Variants in PTPRD observed in about 807,000 individuals in gnomAD.
The protein encoded by PTPRD is protein tyrosine phosphatase receptor type D, also known as receptor-type tyrosine-protein phosphatase delta.
A neutral mutation model predicts 214.5 loss-of-function variants in PTPRD; 34 were observed. The observed-to-expected ratio is 0.16, with a 90% CI of 0.12 to 0.21. The LOEUF is 0.21. Ranked by LOEUF, PTPRD falls within the 10% of genes least tolerant of loss-of-function variation. The probability of loss-of-function intolerance (pLI) is 1.00; values close to 1 mark genes in which losing one functional copy is unlikely to be tolerated. For missense variants in PTPRD, 2,545 were observed against 2,398.7 expected (o/e 1.06, Z -1.27); for synonymous variants, 1,128 against 845.7 (o/e 1.33, Z -5.79).
chr9:9,426,018 AG>A (rs1261047380), intron 8 of PTPRD, among the ~76,000 whole-genome samples: 1 of 151,982 alleles, frequency 6.6e-6, no homozygotes, highest in Non-Finnish European at 1.5e-5. Context: ...TTTCCAACTG[AG>A]GTACCAGGTT....
intron 3 of PTPRD, among the ~76,000 whole-genome samples, chr9:10,329,688 G>T (rs1171879777): frequency 6.6e-6 from 1 of 151,834 alleles, no homozygotes; most frequent in African/African-American, 2.4e-5. Flanking sequence ...TAGAACGTGT[G>T]AAATAATGAC....
intron 12 of PTPRD, among the ~76,000 whole-genome samples, chr9:8,691,201 G>A (rs576533961): frequency 2.6e-4 from 40 of 152,050 alleles, no homozygotes; most frequent in Non-Finnish European, 4.6e-4. Flanking sequence ...CATTTGATTC[G>A]AGAAGGACCT....
chr9:8,994,741 G>T lies in PTPRD; in HGVS notation c.-104+23956C>A, dbSNP rs184695740. Among the ~76,000 whole-genome samples the T allele has an allele frequency of 7.2e-5, 11 of 152,006 alleles. No individual in the cohort carries two copies. In the East Asian group the frequency reaches 1.9e-3, roughly 27 times the overall value. On this transcript the variant is annotated intron_variant, in intron 11 of 45. Transcript: ENST00000381196. ...AAAAGCATGAATAAAGAAGAGTGAA[G>T]AATTTATGTTGGGTAATATTGGGAG...
chr9:8,713,442 C>G (rs1224517536), intron 12 of PTPRD: 1 of 1,094,396 alleles, frequency 9.1e-7, no homozygotes. Flanking sequence ...AGTCCCGCTT[C>G]TGGTACTTCG....
rs534579120 is a variant in PTPRD, at chr9:9,002,403, A to C, written c.-104+16294T>G. Among the ~76,000 whole-genome samples, 4 of 152,150 alleles carry C rather than the reference A, an allele frequency of 2.6e-5. No individual in the cohort carries two copies. In the South Asian group the frequency reaches 8.3e-4, roughly 32 times the overall value. ...GCCCATACTAAAGAACAATTTGCAG[A>C]ATCAAAATTCAACAGACGGATACAC... On this transcript the variant is annotated intron_variant, in intron 11 of 45. Transcript: ENST00000381196.
intron 7 of PTPRD, among the ~76,000 whole-genome samples, chr9:9,617,683 G>T (rs945554528): frequency 8.0e-4 from 122 of 152,086 alleles, no homozygotes; most frequent in African/African-American, 2.9e-3. Flanking sequence ...TGAAGGGTGG[G>T]GTGAAGTAGG....
At chr9:8,462,932 C>G (rs139887615) in intron 32 of PTPRD, among the ~76,000 whole-genome samples, 60 of 151,980 alleles carry the variant, frequency 3.9e-4, no homozygotes, top group African/African-American at 1.3e-3. Flanking sequence ...CTTAAAGCAG[C>G]TAGCAATGAA....
At chr9:8,942,630 A>T (rs2099040677) in intron 11 of PTPRD, among the ~76,000 whole-genome samples, 1 of 152,150 alleles carries the variant, frequency 6.6e-6, no homozygotes, top group Non-Finnish European at 1.5e-5. Context: ...ATTTGATTAA[A>T]CATGACAACA....
At chr9:10,350,904 G>A (rs1411167363) in intron 2 of PTPRD, among the ~76,000 whole-genome samples, 3 of 152,106 alleles carry the variant, frequency 2.0e-5, no homozygotes, top group Admixed American at 6.6e-5. Context: ...GAAAGACATC[G>A]TAATTCCTTA....
intron 6 of PTPRD, among the ~76,000 whole-genome samples, chr9:9,736,617 T>C (rs2098300207): frequency 6.6e-6 from 1 of 152,128 alleles, no homozygotes; most frequent in Non-Finnish European, 1.5e-5. Flanking sequence ...ATTTCTTTTC[T>C]GCTTAATTTT....
chr9:9,702,917 T>C (rs1046229452), intron 7 of PTPRD, among the ~76,000 whole-genome samples: 10 of 152,196 alleles, frequency 6.6e-5, no homozygotes, highest in African/African-American at 9.7e-5. Context: ...AGCCAATCCA[T>C]ACATGGATCT....
chr9:9,691,631 G>A (rs748906069), intron 7 of PTPRD, among the ~76,000 whole-genome samples: 12 of 152,018 alleles, frequency 7.9e-5, no homozygotes, highest in Non-Finnish European at 4.4e-5. Flanking sequence ...TTTCTTTTGG[G>A]TTTATACTCA....
chr9:10,023,183 C>T (rs2096856670), intron 4 of PTPRD, among the ~76,000 whole-genome samples: 1 of 152,102 alleles, frequency 6.6e-6, no homozygotes, highest in South Asian at 2.1e-4. Context: ...TGTGTATATA[C>T]ATAAATGTAT....
At chr9:9,072,584 TTTC>T (rs1453644602) in intron 10 of PTPRD, among the ~76,000 whole-genome samples, 1 of 152,190 alleles carries the variant, frequency 6.6e-6, no homozygotes, top group African/African-American at 2.4e-5. Context: ...TATAAAAATA[TTTC>T]TTCATCTACA....
chr9:8,357,637 A>C (rs1286958555), intron 39 of PTPRD, among the ~76,000 whole-genome samples: 1 of 152,160 alleles, frequency 6.6e-6, no homozygotes, highest in Admixed American at 6.5e-5. Context: ...AAGGAAAATG[A>C]AGTTTTTTTC....
chr9:10,586,703 C>G (rs188919241), intron 2 of PTPRD, among the ~76,000 whole-genome samples: 3 of 151,558 alleles, frequency 2.0e-5, no homozygotes. Flanking sequence ...TTCTTACTAT[C>G]TAGAAAAGTG....
intron 14 of PTPRD, among the ~76,000 whole-genome samples, chr9:8,615,045 G>C (rs1361117): frequency 3.5e-4 from 53 of 152,124 alleles, no homozygotes; most frequent in African/African-American, 1.3e-3. Flanking sequence ...CTTTTTAGCT[G>C]TCTCTTTCAC....
intron 8 of PTPRD, among the ~76,000 whole-genome samples, chr9:9,456,249 G>A (rs1403980345): frequency 6.6e-6 from 1 of 151,822 alleles, no homozygotes; most frequent in African/African-American, 2.4e-5. Context: ...AACTAAAGGA[G>A]TTAGAGTGGA....
intron 2 of PTPRD, among the ~76,000 whole-genome samples, chr9:10,588,153 T>G (rs922559955): frequency 2.0e-5 from 3 of 152,068 alleles, no homozygotes; most frequent in African/African-American, 7.2e-5. Context: ...TGTCAGACTC[T>G]ATTTTATGCC....
Sources: gnomAD v4.1 joint callset for allele counts (sites outside exome capture counted in the v4.1 genomes callset) on GRCh38, gnomAD v4.1.1 for gene constraint, MANE v1.5 for transcripts, NCBI Gene and HGNC (gene_info 2026-07-23, HGNC 2026-07-21) for gene names.